The following EXOC4 variants were observed in gnomAD, a reference collection of about 807,000 sequenced individuals.
EXOC4 encodes the protein exocyst complex component 4.
EXOC4 carries 71 observed loss-of-function variants against 107.2 expected under a neutral mutation model. The ratio of observed to expected loss-of-function variants is 0.66; its 90% confidence interval spans 0.55 to 0.81. The LOEUF (loss-of-function observed/expected upper bound fraction) is 0.81. EXOC4 is among the 30% of genes least tolerant of loss of function. The pLI, the probability that EXOC4 is intolerant of heterozygous loss-of-function variation, is 0.00. For synonymous variants in EXOC4, 456 were observed against 441.2 expected (o/e 1.03, Z -0.42); for missense variants, 1,108 against 1,189.6 (o/e 0.93, Z 1.01).
the EXOC4 span, among the ~76,000 whole-genome samples, chr7:134,077,234 A>G: frequency 3.3e-5 from 5 of 152,298 alleles, no homozygotes; most frequent in East Asian, 5.8e-4. Context: ...AAGAGCTCCA[A>G]TGTTTACAGA....
intron 11 of EXOC4, among the ~76,000 whole-genome samples, chr7:133,841,991 G>A (rs773751360): frequency 1.4e-4 from 21 of 152,164 alleles, no homozygotes; most frequent in Non-Finnish European, 2.5e-4. Flanking sequence ...AAGAACGTGA[G>A]TTCATTCTTT....
intron 9 of EXOC4, among the ~76,000 whole-genome samples, chr7:133,528,163 T>G (rs1800115721): frequency 6.6e-6 from 1 of 152,164 alleles, no homozygotes; most frequent in African/African-American, 2.4e-5. Context: ...ACAGGTGGTA[T>G]CTATGTGACA....
intron 17 of EXOC4, among the ~76,000 whole-genome samples, chr7:134,053,368 C>A (rs1164163309): frequency 6.6e-6 from 1 of 152,034 alleles, no homozygotes; most frequent in Non-Finnish European, 1.5e-5. Flanking sequence ...TGCTCTTAAT[C>A]ATTTAAGCCT....
intron 9 of EXOC4, among the ~76,000 whole-genome samples, chr7:133,544,784 T>C (rs1359494599): frequency 6.6e-6 from 1 of 151,950 alleles, no homozygotes; most frequent in Non-Finnish European, 1.5e-5. Flanking sequence ...TGTGCAGGGT[T>C]GATTTTTTGA....
chr7:133,626,698 A>G (rs1042876874), intron 9 of EXOC4, among the ~76,000 whole-genome samples: 1 of 152,210 alleles, frequency 6.6e-6, no homozygotes, highest in East Asian at 1.9e-4. Flanking sequence ...TTTAGTATCT[A>G]ATCTCATACC....
intron 9 of EXOC4, among the ~76,000 whole-genome samples, chr7:133,592,422 A>G (rs1463719547): frequency 6.6e-6 from 1 of 152,142 alleles, no homozygotes; most frequent in Non-Finnish European, 1.5e-5. Flanking sequence ...CTACCCAGCA[A>G]CTAAATTGGT....
At position 133,630,420 on chromosome 7, in the gene EXOC4, C is replaced by T. The variant is rs894625405; in HGVS notation, c.1514+279C>T. Among the ~76,000 whole-genome samples, 19 of 152,134 alleles carry T rather than the reference C, an allele frequency of 1.2e-4. No individual in the cohort carries two copies. In the South Asian group the frequency reaches 1.5e-3, roughly 12 times the overall value. ...GCCCTCTTCCCTTCCCTCCCTCCCT[C>T]TCTCTGTTTTATCTATCTCAGGAGT... On this transcript the variant is annotated intron_variant, in intron 10 of 17. Transcript: ENST00000253861.
intron 9 of EXOC4, among the ~76,000 whole-genome samples, chr7:133,535,897 T>C (rs1584983391): frequency 6.6e-6 from 1 of 152,232 alleles, no homozygotes; most frequent in African/African-American, 2.4e-5. Flanking sequence ...TCTCTTTCTT[T>C]TCTGATGGCT....
rs774950725 is a variant in EXOC4 at position 133,479,868 on chromosome 7, C to T, written c.1329-182C>T. Among the ~76,000 whole-genome samples the T allele has an allele frequency of 3.4e-4, 52 of 152,198 alleles. 1 individual carries two copies. Among genetic ancestry groups the T allele is most frequent in the Non-Finnish European group, 6.5e-4 (44 of 68,040 alleles). ...GTAAAGGAGCCTTAGCCAGGAATAT[C>T]GCTCATAAATCAAGGTCTGCGGCAG... On this transcript the variant is annotated intron_variant, in intron 8 of 17. Coordinates refer to ENST00000253861, the MANE Select transcript of EXOC4 (RefSeq NM_021807.4).
intron 7 of EXOC4, among the ~76,000 whole-genome samples, chr7:133,472,004 T>C (rs1798891287): frequency 6.6e-6 from 1 of 152,230 alleles, no homozygotes; most frequent in Admixed American, 6.5e-5. Flanking sequence ...GAAGTATTTG[T>C]TGGTATTTAT....
At chr7:133,840,248 G>A (rs925253863) in intron 11 of EXOC4, among the ~76,000 whole-genome samples, 3 of 152,146 alleles carry the variant, frequency 2.0e-5, no homozygotes, top group African/African-American at 7.2e-5. Flanking sequence ...TACATAGCTT[G>A]CATGAATCTA....
chr7:133,731,251 C>T (rs1795319694), intron 10 of EXOC4, among the ~76,000 whole-genome samples: 1 of 152,116 alleles, frequency 6.6e-6, no homozygotes, highest in African/African-American at 2.4e-5. Context: ...TAAATACATT[C>T]ACATTGTTAA....
intron 7 of EXOC4, among the ~76,000 whole-genome samples, chr7:133,383,545 G>T (rs988926344): frequency 2.0e-5 from 3 of 152,178 alleles, no homozygotes; most frequent in Non-Finnish European, 2.9e-5. Flanking sequence ...TTAACCTCTT[G>T]CAGAGAGAGC....
chr7:133,686,742 C>T (rs1228791931), intron 10 of EXOC4, among the ~76,000 whole-genome samples: 1 of 151,976 alleles, frequency 6.6e-6, no homozygotes, highest in Non-Finnish European at 1.5e-5. Flanking sequence ...GAAAAGGGAA[C>T]TTTTACACTG....
chr7:133,705,562 TA>T (rs1052259347), intron 10 of EXOC4, among the ~76,000 whole-genome samples: 6 of 152,120 alleles, frequency 3.9e-5, no homozygotes, highest in Non-Finnish European at 5.9e-5. Context: ...CCAAAAATAT[TA>T]AATATTAAGA....
chr7:133,491,324 C>G (rs536616958), intron 9 of EXOC4, among the ~76,000 whole-genome samples: 1 of 152,262 alleles, frequency 6.6e-6, no homozygotes, highest in Admixed American at 6.5e-5. Context: ...TCAAATAAGT[C>G]CCTGTTTGTT....
intron 11 of EXOC4, among the ~76,000 whole-genome samples, chr7:133,826,622 C>T (rs1200574758): frequency 1.3e-5 from 2 of 152,084 alleles, no homozygotes; most frequent in African/African-American, 2.4e-5. Context: ...TAGTGGTCCA[C>T]ATACCCACAT....
chr7:133,610,484 T>C (rs1264867051), intron 9 of EXOC4, among the ~76,000 whole-genome samples: 1 of 152,210 alleles, frequency 6.6e-6, no homozygotes, highest in Non-Finnish European at 1.5e-5. Flanking sequence ...CTGTTTATTT[T>C]AATACTGTCT....
intron 5 of EXOC4, among the ~76,000 whole-genome samples, chr7:133,342,261 T>G (rs945721504): frequency 3.9e-5 from 6 of 152,198 alleles, no homozygotes; most frequent in African/African-American, 1.4e-4. Flanking sequence ...CATTTGTTTG[T>G]CTGGAAAAGA....
Sources: gnomAD v4.1 joint callset for allele counts (sites outside exome capture counted in the v4.1 genomes callset) on GRCh38, gnomAD v4.1.1 for gene constraint, MANE v1.5 for transcripts, NCBI Gene and HGNC (gene_info 2026-07-23, HGNC 2026-07-21) for gene names.